The following RADX variants were observed in gnomAD, a reference collection of about 807,000 sequenced individuals.
RADX encodes the protein RPA-related protein RADX.
Under a neutral mutation model 61.6 loss-of-function variants are expected in RADX, and 36 were observed. The ratio of observed to expected loss-of-function variants is 0.58; its 90% confidence interval spans 0.45 to 0.77. RADX has a LOEUF of 0.77. RADX is among the 30% of genes least tolerant of loss of function. RADX has a pLI of 0.00. For synonymous variants in RADX, 272 were observed against 237.9 expected, an observed-to-expected ratio of 1.14 and a Z score of -1.32; for missense variants, 497 against 651.1, an observed-to-expected ratio of 0.76 and a Z score of 2.58.
At chrX:106,620,724 T>A in intron 1 of RADX, among the ~76,000 whole-genome samples, 1 of 111,784 alleles carries the variant, frequency 8.9e-6, no homozygotes, top group Non-Finnish European at 1.9e-5. Flanking sequence ...TTTTTAAGAA[T>A]GTATAGGGAT....
intron 3 of RADX, among the ~76,000 whole-genome samples, chrX:106,631,956 C>T (rs1241859034): frequency 9.0e-6 from 1 of 111,316 alleles, no homozygotes; most frequent in East Asian, 2.8e-4. Flanking sequence ...CACAAATAGG[C>T]TCATTACTTA....
intron 11 of RADX, among the ~76,000 whole-genome samples, chrX:106,653,157 G>C (rs776490134): frequency 2.3e-3 from 252 of 111,454 alleles, no homozygotes; most frequent in African/African-American, 8.0e-3. Flanking sequence ...GGCAGAAAAT[G>C]TATAGCACCT....
chrX:106,619,171 G>A (rs1181476974), intron 1 of RADX, among the ~76,000 whole-genome samples: 1 of 110,573 alleles, frequency 9.0e-6, no homozygotes, highest in Non-Finnish European at 1.9e-5. Flanking sequence ...TACATAGTAG[G>A]TGTAGATATA....
intron 13 of RADX, among the ~76,000 whole-genome samples, chrX:106,674,793 AGGCG>A (rs770938542): frequency 8.9e-6 from 1 of 111,745 alleles, no homozygotes; most frequent in East Asian, 2.8e-4. Context: ...TGGGAGGCCA[AGGCG>A]GGCGGATCAC....
chrX:106,644,943 TTAC>T (rs1927620687), intron 10 of RADX, among the ~76,000 whole-genome samples: 1 of 111,173 alleles, frequency 9.0e-6, no homozygotes, highest in Admixed American at 9.6e-5. Flanking sequence ...TTCCATCTCA[TTAC>T]TTGTTATTGG....
intron 12 of RADX, among the ~76,000 whole-genome samples, chrX:106,667,855 G>A (rs897427674): frequency 4.5e-5 from 5 of 111,362 alleles, no homozygotes; most frequent in African/African-American, 1.6e-4. Context: ...ATTTAATGCA[G>A]TGTTTTCTTT....
At chrX:106,644,865 T>C (rs781639237) in intron 10 of RADX, among the ~76,000 whole-genome samples, 13 of 111,307 alleles carry the variant, frequency 1.2e-4, no homozygotes, top group African/African-American at 4.2e-4. Flanking sequence ...TTGAAATGTT[T>C]GGTAGAATTC....
At chrX:106,623,380 C>T (rs1054014763) in intron 2 of RADX, among the ~76,000 whole-genome samples, 2 of 111,483 alleles carry the variant, frequency 1.8e-5, no homozygotes, top group African/African-American at 3.3e-5. Context: ...TGTTTGTGTT[C>T]TATTTTTTTC....
chrX:106,612,177 G>T lies in RADX; in HGVS notation c.97G>T (p.Val33Leu). 8.3e-7 allele frequency: 1 copy of T among 1,211,801 alleles called. No individual in the cohort carries two copies. Among genetic ancestry groups the T allele is most frequent in the Non-Finnish European group, 1.1e-6 (1 of 895,502 alleles). ...GAATCGGGCTGGGGTCCCGGGAGGG[G>T]TGATCCGAAGAGCTGGTTCCCAAGG... Reference protein sequence around the residue: ...ERNRAGVPGGVIRRAGSQGPR... With the variant: ...ERNRAGVPGGLIRRAGSQGPR... The change falls in exon 1 of 14, where the codon GTG (valine) becomes TTG (leucine). Residue 33 changes from valine (V) to leucine (L), a missense_variant. Around this residue, in one of 3 missense-constraint regions of RADX, gnomAD observed 34 missense variants for 29.1 expected, o/e 1.17. Transcript: ENST00000372548.
In RADX at chrX:106,636,601, G is replaced by A. The variant is rs142460355; in HGVS notation, c.1362G>A (p.Lys454=). 39 of 1,200,540 alleles carry A rather than the reference G, an allele frequency of 3.2e-5. No individual in the cohort carries two copies. Among genetic ancestry groups the A allele is most frequent in the Non-Finnish European group, 4.3e-5 (38 of 887,420 alleles). The change falls in exon 7 of 14, where the codon AAG becomes AAA. Residue 454 remains lysine (K), a synonymous_variant. Transcript: ENST00000372548. ...KVVRNDNQVP[K]LLYLTTTNES... is the part of the protein sequence containing the mutation. ...TCAGAAATGACAATCAAGTACCTAA[G>A]CTGCTTTACCTCACCACTACAAATG...
At chrX:106,623,775 G>A (rs138005244) in intron 2 of RADX, among the ~76,000 whole-genome samples, 4,238 of 110,941 alleles carry the variant, frequency 0.038, 86 homozygotes, top group Non-Finnish European at 0.057. Context: ...ATTTTGTGTC[G>A]TTTAACATTT....
At chrX:106,617,020 G>GTTTTTTTTTTTTTTT (rs60413185) in intron 1 of RADX, among the ~76,000 whole-genome samples, 2 of 54,545 alleles carry the variant, frequency 3.7e-5, no homozygotes, top group Non-Finnish European at 3.2e-5. Flanking sequence ...GTGTGTGTGG[G>GTTTTTTTTTTTTTTT]TTTTTTTTTT....
intron 3 of RADX, among the ~76,000 whole-genome samples, chrX:106,631,116 A>G (rs1412370992): frequency 8.9e-6 from 1 of 111,759 alleles, no homozygotes; most frequent in Non-Finnish European, 1.9e-5. Flanking sequence ...ATGACACATT[A>G]TTGGAAGACA....
At chrX:106,652,025 T>C (rs1004649358) in intron 11 of RADX, among the ~76,000 whole-genome samples, 2 of 110,774 alleles carry the variant, frequency 1.8e-5, no homozygotes, top group Non-Finnish European at 3.8e-5. Context: ...CTCTCTTTTT[T>C]TTTTAAGATA....
At chrX:106,662,926 T>G (rs758800070) in intron 12 of RADX, among the ~76,000 whole-genome samples, 4,952 of 97,984 alleles carry the variant, frequency 0.051, 283 homozygotes, top group African/African-American at 0.23. Flanking sequence ...AAAACTTAGT[T>G]TTTTTTTTTT....
Position 106,639,525 on chromosome X carries a change from A to G in RADX, c.1574-2A>G. ...TTACAATTTTCTTGGACTTTTTTGCAGTTGAGTCGCTCTTGACAGCTATAA... is the reference window on the plus strand; with the variant it reads ...TTACAATTTTCTTGGACTTTTTTGCGGTTGAGTCGCTCTTGACAGCTATAA... On this transcript the variant is annotated splice_acceptor_variant, in intron 8 of 13. Transcript: ENST00000372548. LOFTEE classifies it high-confidence loss of function. The G allele has an allele frequency of 8.6e-7, 1 of 1,166,043 alleles. No individual in the cohort carries two copies. The highest frequency in any genetic ancestry group is 1.1e-6 in the Non-Finnish European group (1 of 874,196).
At chrX:106,635,069 G>T (rs949824724) in intron 6 of RADX, among the ~76,000 whole-genome samples, 1 of 111,620 alleles carries the variant, frequency 9.0e-6, no homozygotes, top group African/African-American at 3.3e-5. Context: ...TATTAAGGGG[G>T]CTTCAGGCCC....
intron 13 of RADX, among the ~76,000 whole-genome samples, chrX:106,675,763 C>T (rs1436257384): frequency 8.9e-6 from 1 of 111,755 alleles, no homozygotes; most frequent in Non-Finnish European, 1.9e-5. Context: ...AAGAGTAGCT[C>T]GTTTTATTAG....
chrX:106,614,521 C>T (rs1000081101), intron 1 of RADX, among the ~76,000 whole-genome samples: 3 of 112,024 alleles, frequency 2.7e-5, no homozygotes, highest in East Asian at 5.6e-4. Flanking sequence ...TGCTGTTGAA[C>T]GGCTTCCTCT....
Sources: allele counts gnomAD v4.1 joint callset (sites outside exome capture counted in the v4.1 genomes callset), GRCh38; gene constraint gnomAD v4.1.1; regional missense constraint gnomAD v4.1.1; transcripts MANE v1.5; gene names NCBI Gene and HGNC (gene_info 2026-07-23, HGNC 2026-07-21).